CHAC2: variants seen among roughly 807,000 people sequenced by gnomAD.
The protein encoded by CHAC2 is ChaC glutathione specific gamma-glutamylcyclotransferase 2.
In CHAC2, 20 loss-of-function variants were observed where a neutral mutation model predicts 16.9. The ratio of observed to expected loss-of-function variants is 1.18; its 90% CI spans 0.83 to 1.72. The LOEUF is 1.72. CHAC2 is among the 40% of genes most tolerant of loss of function. CHAC2 has a pLI of 0.00. For synonymous variants in CHAC2, 91 were observed against 77.3 expected (o/e 1.18, Z -0.93); for missense variants, 269 against 222.2 (o/e 1.21, Z -1.34).
intron 2 of CHAC2, among the ~76,000 whole-genome samples, chr2:53,772,154 G>A (rs890739026): frequency 6.6e-6 from 1 of 151,336 alleles, no homozygotes; most frequent in Non-Finnish European, 1.5e-5. Flanking sequence ...ACAACGTACA[G>A]ACAAATAGCA....
At chr2:53,769,912 C>T (rs1673776896) in intron 1 of CHAC2, among the ~76,000 whole-genome samples, 1 of 152,182 alleles carries the variant, frequency 6.6e-6, no homozygotes, top group South Asian at 2.1e-4. Context: ...GCACTTAATA[C>T]CATACATCTT....
chr2:53,767,976 GCGCTTCTGGCAGGGCAGCAC>G lies in CHAC2; in HGVS notation c.91_110del (p.Arg31GlyfsTer17), dbSNP rs752877272. ...TCGGATACATCACCAACTACAGCAG[GCGCTTCTGGCAGGGCAGCAC>G]GGACCACCGCGGGGTCCCCGGCAAG... On this transcript the variant is annotated frameshift_variant, in exon 1 of 3. Transcript: ENST00000295304. LOFTEE classifies it high-confidence loss of function. 1 of 1,614,102 alleles carries G rather than the reference GCGCTTCTGGCAGGGCAGCAC, an allele frequency of 6.2e-7. No homozygotes were observed. Among genetic ancestry groups the G allele is most frequent in the Non-Finnish European group, 8.5e-7 (1 of 1,180,014 alleles).
At chr2:53,768,064 C>G in intron 1 of CHAC2, 43 bp downstream of exon 1, 1 of 1,604,958 alleles carries the variant, frequency 6.2e-7, no homozygotes, top group Non-Finnish European at 8.5e-7. Flanking sequence ...CCCCCTGACC[C>G]CTGCTCCCCA....
intron 1 of CHAC2, among the ~76,000 whole-genome samples, chr2:53,769,459 G>A (rs2104128357): frequency 6.6e-6 from 1 of 152,314 alleles, no homozygotes; most frequent in Middle Eastern, 3.4e-3. Flanking sequence ...AATGTACAGT[G>A]TGTTACAAAA....
At position 53,774,247 on chromosome 2, in the gene CHAC2, A is replaced by G; in HGVS notation, c.277A>G (p.Ile93Val). 1.2e-6 allele frequency: 2 copies of G among 1,614,154 alleles called. No individual in the cohort carries two copies. The highest frequency in any genetic ancestry group is 3.3e-4 in the Middle Eastern group (2 of 6,062). ...EKGGYRTTTV[I>V]FYPKDPTTKP... ...AGGAGGCTACAGAACCACAACAGTC[A>G]TTTTTTATCCAAAAGATCCCACAAC... Residue 93 changes from isoleucine to valine, a missense_variant, in exon 3 of 3, where the codon ATT becomes GTT. Ile to Val is a conservative substitution (Grantham distance 29). Coordinates refer to ENST00000295304, the MANE Select transcript of CHAC2 (RefSeq NM_001008708.4).
intron 1 of CHAC2, chr2:53,768,354 T>G: frequency 4.5e-6 from 1 of 224,524 alleles, no homozygotes; most frequent in Non-Finnish European, 8.7e-6. Context: ...AAAAGTCCCA[T>G]TGGCGGGAAG....
Position 53,771,941 on chromosome 2 carries a change from C to A in CHAC2, c.170C>A (p.Ala57Glu). ...GRVVTLVEDPAGCVWGVAYRL... is the reference protein window; with the variant it reads ...GRVVTLVEDPEGCVWGVAYRL... ...GTTGTGACTCTTGTTGAAGATCCTGCGGTATGGTATAAATATTCTTTTTTG... is the reference window on the plus strand; with the variant it reads ...GTTGTGACTCTTGTTGAAGATCCTGAGGTATGGTATAAATATTCTTTTTTG... Residue 57 changes from alanine to glutamate, a missense_variant and splice_region_variant, in exon 2 of 3, where the codon GCG (alanine) becomes GAG (glutamate). Physicochemically the swap from Ala to Glu is moderately radical, Grantham distance 107. Transcript: ENST00000295304. 1.3e-6 allele frequency: 2 copies of A among 1,532,078 alleles called. No individual in the cohort carries two copies. The highest frequency in any genetic ancestry group is 1.8e-6 in the Non-Finnish European group (2 of 1,125,934). 94.9% of individuals were successfully genotyped at this position (1,532,078 alleles called of 1,614,324 possible).
At position 53,774,621 on chromosome 2, in the gene CHAC2, ATT is replaced by A; in HGVS notation, c.*98_*99del. 1 of 902,136 alleles carries A rather than the reference ATT, an allele frequency of 1.1e-6. No individual in the cohort carries two copies. The highest frequency in any genetic ancestry group is 1.6e-6 in the Non-Finnish European group (1 of 631,128). The allele number at this position is 902,136 out of a possible 1,614,324, so 55.9% of individuals were successfully genotyped here. A position where few individuals can be genotyped will look rare whatever the true frequency, so the allele number is the denominator to read the frequency against. On this transcript the variant is annotated 3_prime_UTR_variant, in exon 3 of 3. Transcript: ENST00000295304. ...TTATTTTTAATGTAGTGAGGATATT[ATT>A]TAAACTTTTATTTTAACTGGAAATG...
In CHAC2 at chr2:53,767,990, G is replaced by A. The variant is rs752503321; in HGVS notation, c.104G>A (p.Gly35Asp). Residue 35 changes from glycine (G) to aspartate (D), a missense_variant, in exon 1 of 3, where the codon GGC (glycine) becomes GAC (aspartate). Gly to Asp is a moderately conservative substitution (Grantham distance 94). Coordinates refer to ENST00000295304, the MANE Select transcript of CHAC2 (RefSeq NM_001008708.4). ...ITNYSRRFWQ[G>D]STDHRGVPGK... is the part of the protein sequence containing the mutation. ...AACTACAGCAGGCGCTTCTGGCAGG[G>A]CAGCACGGACCACCGCGGGGTCCCC... 4 of 1,611,524 alleles carry A rather than the reference G, an allele frequency of 2.5e-6. No individual in the cohort carries two copies. The East Asian group carries it at 6.7e-5, about 27-fold the overall frequency.
chr2:53,769,250 C>CCT (rs1673718212), intron 1 of CHAC2, among the ~76,000 whole-genome samples: 1 of 152,194 alleles, frequency 6.6e-6, no homozygotes, highest in Non-Finnish European at 1.5e-5. Flanking sequence ...GTAGCTCACG[C>CCT]CTCTGATCCC....
At chr2:53,769,783 G>A (rs59689026) in intron 1 of CHAC2, among the ~76,000 whole-genome samples, 3,177 of 152,204 alleles carry the variant, frequency 0.021, 99 homozygotes, top group African/African-American at 0.072. Context: ...CAGACGTTGC[G>A]GTGAGCTGAG....
chr2:53,767,873 G>C lies in CHAC2; in HGVS notation c.-14G>C. 3 of 1,599,938 alleles carry C rather than the reference G, an allele frequency of 1.9e-6. No homozygotes were observed. Among genetic ancestry groups the C allele is most frequent in the Non-Finnish European group, 2.6e-6 (3 of 1,173,442 alleles). ...TAGGGTTCACGGCCACTGGGGCAGA[G>C]GAGCCGCGAGAAGATGTGGGTTTTT... On this transcript the variant is annotated 5_prime_UTR_variant, in exon 1 of 3. Transcript: ENST00000295304.
Position 53,774,127 on chromosome 2 carries a change from T to C in CHAC2, c.172-15T>C. 18 of 1,574,034 alleles carry C rather than the reference T, an allele frequency of 1.1e-5. No individual in the cohort carries two copies. Among genetic ancestry groups the C allele is most frequent in the Non-Finnish European group, 1.5e-5 (18 of 1,165,698 alleles). ...AGCCTTATAATACCAGTGTATTCTT[T>C]TCATTTTTCAACAGGGATGTGTATG... On this transcript the variant is annotated splice_polypyrimidine_tract_variant and intron_variant, in intron 2 of 2. Coordinates refer to ENST00000295304, the MANE Select transcript of CHAC2 (RefSeq NM_001008708.4).
intron 2 of CHAC2, 57 bp from the exon 3 acceptor site, chr2:53,774,085 C>T (rs1674150818): frequency 6.8e-7 from 1 of 1,481,422 alleles, no homozygotes; most frequent in Non-Finnish European, 9.1e-7. Flanking sequence ...CACAACCTTT[C>T]TTCACCTATT....
Position 53,774,354 on chromosome 2 carries a change from T to G in CHAC2, c.384T>G (p.Ala128=). 1 of 1,613,358 alleles carries G rather than the reference T, an allele frequency of 6.2e-7. No individual in the cohort carries two copies. The highest frequency in any genetic ancestry group is 1.7e-4 in the Middle Eastern group (1 of 6,058). ...GTCCTGCACCTCTGGAAGACATTGC[T>G]GAACAAATTTTTAATGCAGCTGGTC... The part of the protein sequence containing the change: ...YLGPAPLEDI[A]EQIFNAAGPS... Residue 128 remains alanine, a synonymous_variant, in exon 3 of 3, where the codon GCT becomes GCG. Transcript: ENST00000295304.
intron 2 of CHAC2, among the ~76,000 whole-genome samples, chr2:53,772,922 A>T (rs1674046423): frequency 6.6e-6 from 1 of 151,990 alleles, no homozygotes; most frequent in African/African-American, 2.4e-5. Context: ...ACTGGTTTGG[A>T]GCACCAGAAA....
At position 53,775,105 on chromosome 2, in the gene CHAC2, C is replaced by G. The variant is rs533562303; in HGVS notation, c.*580C>G. 6.5e-6 allele frequency: 1 copy of G among 152,692 alleles called. No homozygotes were observed. The highest frequency in any genetic ancestry group is 2.1e-4 in the South Asian group (1 of 4,830). 9.5% of individuals were successfully genotyped at this position (152,692 alleles called of 1,614,324 possible). ...AAAATTTCCTTGGAATTATAATGTA[C>G]TGTACCTCTTCTTTTTTAAATAAAG... is the stretch of plus-strand genomic sequence containing the variant. On this transcript the variant is annotated 3_prime_UTR_variant, in exon 3 of 3. Transcript: ENST00000295304.
intron 2 of CHAC2, among the ~76,000 whole-genome samples, chr2:53,772,152 C>T (rs1673966829): frequency 6.6e-6 from 1 of 151,558 alleles, no homozygotes; most frequent in African/African-American, 2.4e-5. Flanking sequence ...CAACAACGTA[C>T]AGACAAATAG....
In CHAC2 at chr2:53,774,322, TA is replaced by T; in HGVS notation, c.353del (p.Tyr118PhefsTer53). 6.2e-7 allele frequency: 1 copy of T among 1,613,772 alleles called. No individual in the cohort carries two copies. Among genetic ancestry groups the T allele is most frequent in the Non-Finnish European group, 8.5e-7 (1 of 1,179,942 alleles). ...TATTGGAACATGTGATAATCCTGAT[TA>T]TCTTGGTCCTGCACCTCTGGAAGAC... Reference protein sequence around the residue: ...LYIGTCDNPDYLGPAPLEDIA... With the variant: ...LYIGTCDNPDXLGPAPLEDIA... On this transcript the variant is annotated frameshift_variant, in exon 3 of 3. Coordinates refer to ENST00000295304, the MANE Select transcript of CHAC2 (RefSeq NM_001008708.4). LOFTEE classifies it high-confidence loss of function.
Sources: gnomAD v4.1 joint callset for allele counts (sites outside exome capture counted in the v4.1 genomes callset) on GRCh38, gnomAD v4.1.1 for gene constraint, MANE v1.5 for transcripts, NCBI Gene and HGNC (gene_info 2026-07-23, HGNC 2026-07-21) for gene names.